Variants in COL15A1 observed in about 807,000 individuals in gnomAD.
COL15A1 encodes the protein collagen alpha-1(XV) chain.
A neutral mutation model predicts 165.9 loss-of-function variants in COL15A1; 111 were observed. That is an observed-to-expected ratio of 0.67 (90% CI 0.57 to 0.78). COL15A1 has a LOEUF of 0.78. Ranked by LOEUF, COL15A1 falls within the 30% of genes least tolerant of loss-of-function variation. The pLI is 0.00. For missense variants in COL15A1, 1,745 were observed against 1,789.7 expected (o/e 0.98, Z 0.45); for synonymous variants, 659 against 674.8 (o/e 0.98, Z 0.36).
chr9:98,982,123 GATATAT>G (rs1374544441), intron 2 of COL15A1, among the ~76,000 whole-genome samples: 2 of 151,530 alleles, frequency 1.3e-5, no homozygotes, highest in African/African-American at 4.9e-5. Flanking sequence ...TTTAAAAAAT[GATATAT>G]ATAGAGAGAG....
At chr9:99,065,229 G>A (rs1825873003) in intron 39 of COL15A1, among the ~76,000 whole-genome samples, 1 of 152,142 alleles carries the variant, frequency 6.6e-6, no homozygotes, top group African/African-American at 2.4e-5. Flanking sequence ...AGGTGGCAAG[G>A]AAGCCCTGCA....
intron 2 of COL15A1, among the ~76,000 whole-genome samples, chr9:98,976,185 T>A (rs568196307): frequency 1.3e-5 from 2 of 152,116 alleles, no homozygotes; most frequent in Admixed American, 6.5e-5. Flanking sequence ...AGAAATATGA[T>A]CAAATTCATG....
chr9:98,944,520 G>A (rs1588484671), intron 2 of COL15A1, among the ~76,000 whole-genome samples: 1 of 152,180 alleles, frequency 6.6e-6, no homozygotes, highest in Non-Finnish European at 1.5e-5. Flanking sequence ...TCCAATCTTA[G>A]GCAGAGAGGG....
At position 99,024,866 on chromosome 9, in the gene COL15A1, G is replaced by A. The variant is rs546180214; in HGVS notation, c.1855-8G>A. ...CCACTGTTTCTAACAGAGTCTTTGTGTTTTTAGGGTCCTCCAGGACCCCCA... is the reference window on the plus strand; with the variant it reads ...CCACTGTTTCTAACAGAGTCTTTGTATTTTTAGGGTCCTCCAGGACCCCCA... On this transcript the variant is annotated splice_region_variant and splice_polypyrimidine_tract_variant and intron_variant, in intron 14 of 41. Coordinates refer to ENST00000375001, the MANE Select transcript of COL15A1 (RefSeq NM_001855.5). 10 of 1,611,724 alleles carry A rather than the reference G, an allele frequency of 6.2e-6. No homozygotes were observed. In the South Asian group the frequency reaches 1.1e-4, roughly 18 times the overall value.
At chr9:99,055,547 C>A (rs888927313) in intron 34 of COL15A1, among the ~76,000 whole-genome samples, 175 bp downstream of exon 34, 1 of 152,120 alleles carries the variant, frequency 6.6e-6, no homozygotes, top group Non-Finnish European at 1.5e-5. Context: ...GGCTGAGGTC[C>A]CTGGAGAGAA....
chr9:99,028,240 GT>G (rs774146012), intron 16 of COL15A1, among the ~76,000 whole-genome samples: 83 of 152,160 alleles, frequency 5.5e-4, no homozygotes, highest in Non-Finnish European at 9.9e-4. Context: ...GGAAAAAAAT[GT>G]TTTTTATATA....
At chr9:98,997,156 T>G in intron 6 of COL15A1, 75 bp downstream of exon 6, 1 of 1,552,420 alleles carries the variant, frequency 6.4e-7, no homozygotes, top group Non-Finnish European at 8.8e-7. Flanking sequence ...GGGCCATGTA[T>G]GTAACATACA....
At position 99,031,210 on chromosome 9, in the gene COL15A1, TG is replaced by T. The variant is rs1473571244; in HGVS notation, c.2044-3338del. Reference sequence around the variant, plus strand: ...TCCTTGCCACTCCAGCCTCAGAGCCTGCCTCCAGAGCCTGGTGCCTCACCTG... The same window carrying T: ...TCCTTGCCACTCCAGCCTCAGAGCCTCCTCCAGAGCCTGGTGCCTCACCTG... On this transcript the variant is annotated intron_variant, in intron 16 of 41. Coordinates refer to ENST00000375001, the MANE Select transcript of COL15A1 (RefSeq NM_001855.5). Among the ~76,000 whole-genome samples the T allele has an allele frequency of 2.6e-5, 4 of 152,294 alleles. No individual in the cohort carries two copies. The East Asian group carries it at 5.8e-4, about 22-fold the overall frequency.
intron 7 of COL15A1, among the ~76,000 whole-genome samples, chr9:99,001,218 A>T (rs1013187316): frequency 6.6e-6 from 1 of 152,078 alleles, no homozygotes; most frequent in Non-Finnish European, 1.5e-5. Context: ...AGGCCTCACC[A>T]ATGCAACCCC....
intron 2 of COL15A1, among the ~76,000 whole-genome samples, chr9:98,957,046 A>G (rs1003178035): frequency 3.9e-5 from 6 of 152,160 alleles, no homozygotes; most frequent in Admixed American, 3.9e-4. Flanking sequence ...GTGTCACTCC[A>G]TTAGGTTCTA....
intron 9 of COL15A1, among the ~76,000 whole-genome samples, chr9:99,007,576 A>T (rs559611169): frequency 6.6e-6 from 1 of 152,350 alleles, no homozygotes; most frequent in African/African-American, 2.4e-5. Context: ...CTCATGCCCT[A>T]CAAGAGAAAA....
intron 5 of COL15A1, among the ~76,000 whole-genome samples, chr9:98,994,215 A>G (rs767250375): frequency 2.3e-4 from 35 of 152,162 alleles, no homozygotes; most frequent in Non-Finnish European, 4.0e-4. Context: ...GTTCAGCTTC[A>G]GTAGATCTGG....
intron 11 of COL15A1, among the ~76,000 whole-genome samples, chr9:99,017,249 G>A (rs1838952454): frequency 6.6e-6 from 1 of 152,222 alleles, no homozygotes; most frequent in Admixed American, 6.5e-5. Flanking sequence ...AAGGTGAATG[G>A]GAGATAAGAT....
intron 35 of COL15A1, among the ~76,000 whole-genome samples, chr9:99,058,081 T>A (rs1825753418): frequency 6.6e-6 from 1 of 152,208 alleles, no homozygotes; most frequent in Admixed American, 6.5e-5. Flanking sequence ...CCATCTCTTG[T>A]CTCGGCTTCT....
chr9:99,035,293 G>T, intron 18 of COL15A1, 57 bp from the exon 19 acceptor site: 2 of 1,613,150 alleles, frequency 1.2e-6, no homozygotes, highest in Non-Finnish European at 1.7e-6. Context: ...ACCACACCTG[G>T]CACAAGTAGG....
At chr9:99,027,077 C>T (rs370920371) in intron 16 of COL15A1, among the ~76,000 whole-genome samples, 1 of 152,190 alleles carries the variant, frequency 6.6e-6, no homozygotes, top group East Asian at 1.9e-4. Flanking sequence ...GCTGGTGCTA[C>T]CTGGGGCGTG....
At chr9:99,032,808 A>G (rs1839229435) in intron 16 of COL15A1, among the ~76,000 whole-genome samples, 1 of 152,172 alleles carries the variant, frequency 6.6e-6, no homozygotes, top group South Asian at 2.1e-4. Flanking sequence ...CTATTCTGTT[A>G]TGCAGTCCTT....
chr9:98,956,519 T>C (rs1048180135), intron 2 of COL15A1, among the ~76,000 whole-genome samples: 3 of 152,218 alleles, frequency 2.0e-5, no homozygotes, highest in South Asian at 2.1e-4. Flanking sequence ...ATTTTATATG[T>C]ACATTTACAT....
chr9:98,984,326 C>G (rs890350583), intron 2 of COL15A1, among the ~76,000 whole-genome samples: 4 of 152,200 alleles, frequency 2.6e-5, no homozygotes, highest in African/African-American at 9.7e-5. Flanking sequence ...CAGCTTTCTC[C>G]TGGGGAAAAT....
Sources: allele counts gnomAD v4.1 joint callset (sites outside exome capture counted in the v4.1 genomes callset), GRCh38; gene constraint gnomAD v4.1.1; transcripts MANE v1.5; gene names NCBI Gene and HGNC (gene_info 2026-07-23, HGNC 2026-07-21).